ZNF462: variants seen among roughly 807,000 people sequenced by gnomAD.
ZNF462 encodes the protein zinc finger PBX1-interacting protein.
A neutral mutation model predicts 201.9 loss-of-function variants in ZNF462; 10 were observed. The observed-to-expected ratio is 0.05, with a 90% CI of 0.03 to 0.08. The LOEUF (loss-of-function observed/expected upper bound fraction) is 0.08. Among genes scored for constraint, ZNF462 ranks in the 10% least tolerant of loss-of-function variants. The pLI is 1.00. For synonymous variants in ZNF462, 1,227 were observed against 1,193.3 expected, an observed-to-expected ratio of 1.03 and a Z score of -0.58; for missense variants, 2,523 against 3,168.3, an observed-to-expected ratio of 0.80 and a Z score of 4.89.
intron 1 of ZNF462, among the ~76,000 whole-genome samples, chr9:106,893,941 T>A (rs1588013034): frequency 6.6e-6 from 1 of 152,318 alleles, no homozygotes; most frequent in Non-Finnish European, 1.5e-5. Flanking sequence ...AGAAATGTGA[T>A]CCTGACATTT....
At position 106,927,584 on chromosome 9, in the gene ZNF462, T is replaced by C; in HGVS notation, c.3672T>C (p.Asp1224=). Residue 1224 remains aspartate, a synonymous_variant, in exon 3 of 13, where the codon GAT becomes GAC. Coordinates refer to ENST00000277225, the MANE Select transcript of ZNF462 (RefSeq NM_021224.6). ...KKHRDFKANA[D]VIRQHTATIR... is the part of the protein sequence containing the mutation. Reference sequence around the variant, plus strand: ...ACCGAGACTTCAAGGCCAATGCAGATGTGATCCGGCAGCATACGGCCACCA... The same window carrying C: ...ACCGAGACTTCAAGGCCAATGCAGACGTGATCCGGCAGCATACGGCCACCA... 1.2e-6 allele frequency: 2 copies of C among 1,613,330 alleles called. No homozygotes were observed. Among genetic ancestry groups the C allele is most frequent in the Non-Finnish European group, 1.7e-6 (2 of 1,179,814 alleles).
Position 107,011,151 on chromosome 9 carries a change from C to A in ZNF462, c.*121C>A. ...GACAGAACAAAGCTGCTTTTTAGGA[C>A]TGAACAATCTATTTTCAAAGCACTG... On this transcript the variant is annotated 3_prime_UTR_variant, in exon 13 of 13. Transcript: ENST00000277225. This position sits in a 1 kb window ranked among gnomAD's most constrained non-coding sequence, Gnocchi z 5.6. 1.2e-6 allele frequency: 1 copy of A among 864,858 alleles called. No individual in the cohort carries two copies. The highest frequency in any genetic ancestry group is 1.8e-6 in the Non-Finnish European group (1 of 567,242). 53.6% of individuals were successfully genotyped at this position (864,858 alleles called of 1,614,324 possible). A position where few individuals can be genotyped will look rare whatever the true frequency, so the allele number is the denominator to read the frequency against.
rs1173336143 is a variant in ZNF462 at position 106,899,238 on chromosome 9, GT to G, written c.-30-24115del. ...AGAATGTGTGTGTATGTGTGTGTGT[GT>G]GGGGGGGGGGGGGTGTGTGCATGCA... On this transcript the variant is annotated intron_variant, in intron 1 of 12. Transcript: ENST00000277225. Among the ~76,000 whole-genome samples, 86 of 78,188 alleles carry G rather than the reference GT, an allele frequency of 1.1e-3. 1 individual carries two copies. Among genetic ancestry groups the G allele is most frequent in the Admixed American group, 2.9e-3 (25 of 8,618 alleles). The allele number at this position is 78,188 out of a possible 152,430, so 51.3% of individuals were successfully genotyped here. A position where few individuals can be genotyped will look rare whatever the true frequency, so the allele number is the denominator to read the frequency against.
intron 9 of ZNF462, chr9:106,975,639 C>T (rs545701235): frequency 2.0e-5 from 3 of 152,422 alleles, no homozygotes; most frequent in East Asian, 1.9e-4. Context: ...ACCTGGCTTC[C>T]GGTCCCCCAG....
intron 1 of ZNF462, among the ~76,000 whole-genome samples, chr9:106,906,100 T>G (rs1272374005): frequency 6.6e-6 from 1 of 152,212 alleles, no homozygotes; most frequent in Non-Finnish European, 1.5e-5. Flanking sequence ...GTATTTCACT[T>G]GGCTCTCTAA....
At chr9:107,007,446 C>T (rs1045044811) in intron 11 of ZNF462, among the ~76,000 whole-genome samples, 7 of 152,124 alleles carry the variant, frequency 4.6e-5, no homozygotes, top group Admixed American at 6.5e-5. Context: ...TGTCCACATT[C>T]GTGAGCTTTA....
At chr9:106,908,928 T>TATAC (rs1564090767) in intron 1 of ZNF462, among the ~76,000 whole-genome samples, 1 of 38,446 alleles carries the variant, frequency 2.6e-5, no homozygotes, top group Non-Finnish European at 4.6e-5. Context: ...TATATATATA[T>TATAC]ATATATATAT....
intron 1 of ZNF462, among the ~76,000 whole-genome samples, chr9:106,898,896 G>A (rs1292229429): frequency 6.6e-6 from 1 of 151,732 alleles, no homozygotes; most frequent in African/African-American, 2.4e-5. Context: ...GAGAAGTAAG[G>A]AACATGAAAG....
At chr9:106,894,618 CT>C (rs746562660) in intron 1 of ZNF462, among the ~76,000 whole-genome samples, 2 of 152,126 alleles carry the variant, frequency 1.3e-5, no homozygotes, top group African/African-American at 4.8e-5. Flanking sequence ...TAAATAAGTA[CT>C]TTGTTCAAAG....
At chr9:106,964,601 G>C (rs1831988287) in intron 7 of ZNF462, among the ~76,000 whole-genome samples, 1 of 152,000 alleles carries the variant, frequency 6.6e-6, no homozygotes, top group South Asian at 2.1e-4. Flanking sequence ...AACAGTCTTA[G>C]AGCAGAGTCC....
rs1437540863 is a variant in ZNF462, at chr9:106,966,019, G to T, written c.6428-5986G>T. 6.6e-6 allele frequency among the ~76,000 whole-genome samples: 1 copy of T among 151,980 alleles called. No individual in the cohort carries two copies. The highest frequency in any genetic ancestry group is 1.5e-5 in the Non-Finnish European group (1 of 67,960). The stretch of plus-strand genomic sequence containing the variant: ...CTAGAAATAATGGTCTATACGTCTA[G>T]CTTATTTGGGTTCTCCCTCAACCTC... On this transcript the variant is annotated intron_variant, in intron 7 of 12. Transcript: ENST00000277225. The surrounding 1 kb of genome is among the most constrained non-coding windows in gnomAD (Gnocchi z 4.4).
Position 106,986,024 on chromosome 9 carries a change from A to G in ZNF462, c.7056+1615A>G, listed in dbSNP as rs141482320. Among the ~76,000 whole-genome samples the G allele has an allele frequency of 3.2e-3, 492 of 152,328 alleles. 2 individuals carry two copies. Among genetic ancestry groups the G allele is most frequent in the African/African-American group, 0.01 (429 of 41,574 alleles). The stretch of plus-strand genomic sequence containing the variant: ...TCATCTTTTTCAAACAAAGCTTTCT[A>G]TAATTATTCACATGTATCTTATTTA... On this transcript the variant is annotated intron_variant, in intron 10 of 12. Coordinates refer to ENST00000277225, the MANE Select transcript of ZNF462 (RefSeq NM_021224.6).
At position 106,917,002 on chromosome 9, in the gene ZNF462, G is replaced by A. The variant is rs1437382259; in HGVS notation, c.-30-6352G>A. Among the ~76,000 whole-genome samples, 4 of 152,052 alleles carry A rather than the reference G, an allele frequency of 2.6e-5. No individual in the cohort carries two copies. The highest frequency in any genetic ancestry group is 1.3e-4 in the Admixed American group (2 of 15,260). On this transcript the variant is annotated intron_variant, in intron 1 of 12. Coordinates refer to ENST00000277225, the MANE Select transcript of ZNF462 (RefSeq NM_021224.6). This position sits in a 1 kb window ranked among gnomAD's most constrained non-coding sequence, Gnocchi z 4.5. The stretch of plus-strand genomic sequence containing the variant: ...TTTTATCTCCTTATTCAAATCACAC[G>A]CTTCCTTTTCTACGGACAGGAGAGC...
intron 7 of ZNF462, among the ~76,000 whole-genome samples, chr9:106,964,950 C>T (rs930297351): frequency 6.6e-6 from 1 of 151,996 alleles, no homozygotes; most frequent in African/African-American, 2.4e-5. Flanking sequence ...CATGGTTCTT[C>T]TTTGGTTAGA....
rs1238428733 is a variant in ZNF462, at chr9:106,924,922, A to G, written c.1010A>G (p.Lys337Arg). 3.1e-5 allele frequency: 50 copies of G among 1,614,048 alleles called. No homozygotes were observed. The highest frequency in any genetic ancestry group is 4.2e-5 in the Non-Finnish European group (49 of 1,180,046). Residue 337 changes from lysine (K) to arginine (R), a missense_variant, in exon 3 of 13, where the codon AAG (lysine) becomes AGG (arginine). Around this residue, in one of 15 missense-constraint regions of ZNF462, gnomAD observed 480 missense variants for 544.4 expected, o/e 0.88. Transcript: ENST00000277225. This position sits in a 1 kb window ranked among gnomAD's most constrained non-coding sequence, Gnocchi z 6.2. ...SIMRPNSSAS[K>R]FSPMSYPQMK... Reference sequence around the variant, plus strand: ...ATGAGACCCAATTCTTCAGCTTCCAAGTTTTCGCCCATGTCTTACCCTCAG... The same window carrying G: ...ATGAGACCCAATTCTTCAGCTTCCAGGTTTTCGCCCATGTCTTACCCTCAG...
At chr9:106,999,660 AAT>A (rs1829032877) in intron 10 of ZNF462, among the ~76,000 whole-genome samples, 1 of 152,228 alleles carries the variant, frequency 6.6e-6, no homozygotes, top group African/African-American at 2.4e-5. Context: ...CAGCAATGTA[AAT>A]AATCTACAGA....
In ZNF462 at chr9:106,886,584, C is replaced by T. The variant is rs1041858828; in HGVS notation, c.-31+23229C>T. On this transcript the variant is annotated intron_variant, in intron 1 of 12. Transcript: ENST00000277225. The surrounding 1 kb of genome is among the most constrained non-coding windows in gnomAD (Gnocchi z 4.6). ...GGTCTGAAAAGGAAGGAGCTCCTGT[C>T]ATCCGCAGTCAATGTGAAGAAACTG... 1.3e-5 allele frequency among the ~76,000 whole-genome samples: 2 copies of T among 152,290 alleles called. No homozygotes were observed. Among genetic ancestry groups the T allele is most frequent in the East Asian group, 1.9e-4 (1 of 5,176 alleles).
intron 10 of ZNF462, among the ~76,000 whole-genome samples, chr9:106,988,170 A>T (rs924802433): frequency 6.6e-6 from 1 of 152,170 alleles, no homozygotes; most frequent in Non-Finnish European, 1.5e-5. Flanking sequence ...AAGAGGTTTA[A>T]TTGGACTTAT....
chr9:106,864,538 T>A (rs1166090470), intron 1 of ZNF462, among the ~76,000 whole-genome samples: 1 of 152,094 alleles, frequency 6.6e-6, no homozygotes, highest in Non-Finnish European at 1.5e-5. Context: ...CAGTCCAGAC[T>A]CCAAAACACA....
Sources: allele counts gnomAD v4.1 joint callset (sites outside exome capture counted in the v4.1 genomes callset), GRCh38; gene constraint gnomAD v4.1.1; regional missense constraint gnomAD v4.1.1; non-coding constraint Gnocchi (gnomAD v3.1); transcripts MANE v1.5; gene names NCBI Gene and HGNC (gene_info 2026-07-23, HGNC 2026-07-21).